NRP2: variants seen among roughly 807,000 people sequenced by gnomAD.
NRP2 encodes neuropilin-2.
A neutral mutation model predicts 110.4 loss-of-function variants in NRP2; 52 were observed. The observed-to-expected ratio is 0.47, with a 90% CI of 0.38 to 0.59. The LOEUF (loss-of-function observed/expected upper bound fraction) is 0.59, where lower values mean the gene tolerates loss of function less well. Among genes scored for constraint, NRP2 ranks in the 20% least tolerant of loss-of-function variants. The pLI, the probability that NRP2 is intolerant of heterozygous loss-of-function variation, is 0.00. For synonymous variants in NRP2, 508 were observed against 468.9 expected (o/e 1.08, Z -1.08); for missense variants, 1,049 against 1,203.0 (o/e 0.87, Z 1.89).
chr2:205,753,753 C>T (rs2057689928), intron 12 of NRP2, among the ~76,000 whole-genome samples: 1 of 152,186 alleles, frequency 6.6e-6, no homozygotes, highest in Non-Finnish European at 1.5e-5. Context: ...ACGTTTGTCA[C>T]TTTCAGTGGT....
intron 7 of NRP2, 93 bp from the exon 8 acceptor site, chr2:205,740,426 T>TGACAGAAC: frequency 1.4e-6 from 2 of 1,394,708 alleles, no homozygotes; most frequent in Non-Finnish European, 2.0e-6. Flanking sequence ...AAAGAAAATT[T>TGACAGAAC]GACAGAACTT....
intron 15 of NRP2, among the ~76,000 whole-genome samples, chr2:205,770,743 A>G (rs1053138262): frequency 2.6e-5 from 4 of 152,164 alleles, no homozygotes; most frequent in Non-Finnish European, 5.9e-5. Context: ...AGGCAGCTGT[A>G]GTGTGTGAAT....
chr2:205,744,654 A>C (rs548633364), intron 9 of NRP2, among the ~76,000 whole-genome samples: 2 of 152,250 alleles, frequency 1.3e-5, no homozygotes, highest in African/African-American at 4.8e-5. Context: ...TTTTTCTCAA[A>C]AGAACAGGTC....
chr2:205,727,997 G>A lies in NRP2; in HGVS notation c.1097G>A (p.Ser366Asn), dbSNP rs1292530948. The change falls in exon 7 of 17, where the codon AGC becomes AAC. Residue 366 changes from serine (S) to asparagine (N), a missense_variant. Physicochemically the swap from Ser to Asn is conservative, Grantham distance 46 (BLOSUM62 1). Coordinates refer to ENST00000357785, the MANE Select transcript of NRP2 (RefSeq NM_003872.3). Reference protein sequence around the residue: ...YYVKSYKLEVSTNGEDWMVYR... With the variant: ...YYVKSYKLEVNTNGEDWMVYR... ...GTCAAATCCTACAAGCTGGAAGTCA[G>A]CACTAATGGAGAGGACTGGATGGTG... 1.2e-6 allele frequency: 2 copies of A among 1,614,192 alleles called. No individual in the cohort carries two copies. Among genetic ancestry groups the A allele is most frequent in the Non-Finnish European group, 1.7e-6 (2 of 1,180,036 alleles).
intron 7 of NRP2, among the ~76,000 whole-genome samples, chr2:205,733,344 G>A (rs6746515): frequency 0.018 from 2,806 of 152,290 alleles, 56 homozygotes; most frequent in African/African-American, 0.054. Context: ...TGTGCACAGA[G>A]GCCAGTGACA....
intron 15 of NRP2, among the ~76,000 whole-genome samples, chr2:205,787,680 A>T (rs1300053020): frequency 6.7e-6 from 1 of 150,242 alleles, no homozygotes; most frequent in Admixed American, 6.7e-5. Flanking sequence ...TAGAAGAAGG[A>T]AGAAAATGAG....
chr2:205,695,133 T>A (rs906455382), intron 1 of NRP2, among the ~76,000 whole-genome samples: 1 of 152,234 alleles, frequency 6.6e-6, no homozygotes, highest in Non-Finnish European at 1.5e-5. Flanking sequence ...AACACACAAC[T>A]GAAGCAGATG....
intron 7 of NRP2, among the ~76,000 whole-genome samples, chr2:205,737,331 A>G (rs973702514): frequency 1.3e-5 from 2 of 152,228 alleles, no homozygotes; most frequent in African/African-American, 4.8e-5. Context: ...TTCAAACCAC[A>G]AAAAGTCATG....
intron 15 of NRP2, chr2:205,776,729 G>C: frequency 6.8e-7 from 1 of 1,472,114 alleles, no homozygotes; most frequent in Non-Finnish European, 9.0e-7. Context: ...TTTCCTTTTT[G>C]TTGATTCCAA....
intron 2 of NRP2, among the ~76,000 whole-genome samples, chr2:205,707,283 CG>C (rs1418873185): frequency 6.6e-6 from 1 of 152,226 alleles, no homozygotes; most frequent in Non-Finnish European, 1.5e-5. Context: ...TAGTCACAAA[CG>C]GAAGCGGTTC....
chr2:205,767,542 T>C, intron 15 of NRP2: 1 of 360,102 alleles, frequency 2.8e-6, no homozygotes, highest in South Asian at 1.9e-5. Context: ...CAGAGCAAAG[T>C]GAGAAGAATT....
chr2:205,722,632 G>A lies in NRP2; in HGVS notation c.588G>A (p.Leu196=), dbSNP rs2057043424. ...TCCTGCAGTTCCTGATCTTTGACCT[G>A]GAGCATGACCCTTTGCAGGTGGGAG... is the stretch of plus-strand genomic sequence containing the variant. ...EIILQFLIFD[L]EHDPLQVGEG... The change falls in exon 4 of 17, where the codon CTG becomes CTA. Residue 196 remains leucine (L), a synonymous_variant. Coordinates refer to ENST00000357785, the MANE Select transcript of NRP2 (RefSeq NM_003872.3). 6.2e-7 allele frequency: 1 copy of A among 1,614,196 alleles called. No homozygotes were observed. Among genetic ancestry groups the A allele is most frequent in the Non-Finnish European group, 8.5e-7 (1 of 1,180,028 alleles).
At chr2:205,761,983 G>A (rs1047052156) in intron 12 of NRP2, 2 of 152,248 alleles carry the variant, frequency 1.3e-5, no homozygotes, top group African/African-American at 4.8e-5. Context: ...AGCAGTAATA[G>A]TAAGATCTGA....
intron 15 of NRP2, chr2:205,768,387 T>A (rs898576333): frequency 2.0e-5 from 3 of 152,252 alleles, no homozygotes; most frequent in Non-Finnish European, 2.9e-5. Context: ...TTCGCCTGAC[T>A]CTCTTTGGGT....
intron 15 of NRP2, among the ~76,000 whole-genome samples, chr2:205,787,379 G>T (rs1411852113): frequency 1.3e-5 from 2 of 152,132 alleles, no homozygotes; most frequent in Admixed American, 6.5e-5. Flanking sequence ...CTCAGGGTTG[G>T]CATGGAAGGG....
At chr2:205,689,431 G>A (rs1032790847) in intron 1 of NRP2, among the ~76,000 whole-genome samples, 5 of 152,224 alleles carry the variant, frequency 3.3e-5, no homozygotes, top group African/African-American at 7.2e-5. Context: ...AGCCCATTCT[G>A]AAGTCACTGA....
At chr2:205,765,390 G>T in intron 13 of NRP2, 84 bp from the exon 14 acceptor site, 2 of 1,098,606 alleles carry the variant, frequency 1.8e-6, no homozygotes, top group Non-Finnish European at 2.8e-6. Context: ...GCTTTAAGCT[G>T]CAGCTAACAG....
At chr2:205,727,307 G>C (rs916464061) in intron 6 of NRP2, among the ~76,000 whole-genome samples, 5 of 152,210 alleles carry the variant, frequency 3.3e-5, no homozygotes, top group African/African-American at 1.2e-4. Context: ...ACCTTAAAAT[G>C]TTGGCCATCC....
intron 15 of NRP2, among the ~76,000 whole-genome samples, chr2:205,788,632 A>G (rs1460615099): frequency 2.6e-5 from 4 of 152,192 alleles, no homozygotes; most frequent in African/African-American, 4.8e-5. Flanking sequence ...AGCAGCCTCA[A>G]TTCCACAGTA....
Sources: allele counts gnomAD v4.1 joint callset (sites outside exome capture counted in the v4.1 genomes callset), GRCh38; gene constraint gnomAD v4.1.1; transcripts MANE v1.5; gene names NCBI Gene and HGNC (gene_info 2026-07-23, HGNC 2026-07-21).